The following EYS variants were observed in gnomAD, a reference collection of about 807,000 sequenced individuals.
The protein encoded by EYS is EGF-like photoreceptor maintenance factor.
A neutral mutation model predicts 282.1 loss-of-function variants in EYS; 250 were observed. The ratio of observed to expected loss-of-function variants is 0.89; its 90% CI spans 0.80 to 0.98. The LOEUF (loss-of-function observed/expected upper bound fraction) is 0.98. EYS is among the 50% of genes least tolerant of loss of function. EYS has a pLI of 0.00. For missense variants in EYS, 4,016 were observed against 3,709.0 expected (o/e 1.08, Z -2.15); for synonymous variants, 1,355 against 1,282.9 (o/e 1.06, Z -1.20).
At chr6:64,103,233 CCAG>C (rs1239896855) in intron 31 of EYS, among the ~76,000 whole-genome samples, 6 of 151,976 alleles carry the variant, frequency 3.9e-5, no homozygotes, top group African/African-American at 1.5e-4. Context: ...AAATAACTTA[CCAG>C]CAAAAGAAAA....
chr6:64,371,680 T>C (rs1772379877), intron 29 of EYS, among the ~76,000 whole-genome samples: 1 of 152,232 alleles, frequency 6.6e-6, no homozygotes, highest in African/African-American at 2.4e-5. Context: ...GCTTGATCTA[T>C]GAATCTGAAT....
chr6:65,336,025 C>T (rs1402009607), intron 10 of EYS, among the ~76,000 whole-genome samples: 3 of 151,692 alleles, frequency 2.0e-5, no homozygotes, highest in Admixed American at 6.6e-5. Context: ...CTCTCTCCTG[C>T]TGCCATGTGA....
At chr6:64,961,286 A>G (rs1769907026) in intron 14 of EYS, among the ~76,000 whole-genome samples, 1 of 152,156 alleles carries the variant, frequency 6.6e-6, no homozygotes, top group African/African-American at 2.4e-5. Flanking sequence ...AGCCCTTTAA[A>G]GACGTGTTTC....
intron 2 of EYS, among the ~76,000 whole-genome samples, chr6:65,594,268 T>TA (rs1467135269): frequency 6.6e-6 from 1 of 151,996 alleles, no homozygotes; most frequent in African/African-American, 2.4e-5. Flanking sequence ...TGAGAACACT[T>TA]ATTGCTGTAA....
intron 12 of EYS, among the ~76,000 whole-genome samples, chr6:65,214,511 G>T (rs1297844769): frequency 6.6e-6 from 1 of 152,188 alleles, no homozygotes; most frequent in East Asian, 1.9e-4. Flanking sequence ...GGATCTTAAG[G>T]TTTAAGGAAA....
At chr6:63,942,495 A>C (rs1202196621) in intron 35 of EYS, among the ~76,000 whole-genome samples, 1 of 152,148 alleles carries the variant, frequency 6.6e-6, no homozygotes, top group Non-Finnish European at 1.5e-5. Flanking sequence ...AACTTGGTGG[A>C]GATGTGTGCT....
intron 12 of EYS, among the ~76,000 whole-genome samples, chr6:65,097,707 G>T (rs958739677): frequency 1.3e-5 from 2 of 150,456 alleles, no homozygotes; most frequent in African/African-American, 4.9e-5. Context: ...CAACAACATG[G>T]ATAAACCTGA....
chr6:65,152,913 A>G (rs1200785605), intron 12 of EYS, among the ~76,000 whole-genome samples: 1 of 151,302 alleles, frequency 6.6e-6, no homozygotes, highest in African/African-American at 2.4e-5. Flanking sequence ...TAACAATATG[A>G]CTTCATATTG....
At chr6:63,770,875 T>C (rs1052579064) in intron 40 of EYS, among the ~76,000 whole-genome samples, 3 of 152,194 alleles carry the variant, frequency 2.0e-5, no homozygotes, top group African/African-American at 4.8e-5. Flanking sequence ...ACATGTTTAC[T>C]AGGACGGGTT....
At chr6:63,845,264 C>T (rs1772068233) in intron 36 of EYS, among the ~76,000 whole-genome samples, 1 of 152,200 alleles carries the variant, frequency 6.6e-6, no homozygotes, top group South Asian at 2.1e-4. Flanking sequence ...GTCAAAGTGA[C>T]TTGTTCAAGG....
At chr6:64,306,439 C>T (rs946028279) in intron 30 of EYS, among the ~76,000 whole-genome samples, 1 of 152,138 alleles carries the variant, frequency 6.6e-6, no homozygotes, top group Admixed American at 6.5e-5. Context: ...ATTTTAACCA[C>T]TTCTTACCAA....
intron 26 of EYS, among the ~76,000 whole-genome samples, chr6:64,467,154 C>T (rs143167354): frequency 0.016 from 2,495 of 152,198 alleles, 23 homozygotes; most frequent in South Asian, 0.035. Flanking sequence ...GGACAAAATG[C>T]TGATATTTAT....
At chr6:64,873,330 G>C (rs949607967) in intron 19 of EYS, among the ~76,000 whole-genome samples, 1 of 151,992 alleles carries the variant, frequency 6.6e-6, no homozygotes, top group Non-Finnish European at 1.5e-5. Flanking sequence ...CTTCTCACCG[G>C]GTCCCTCCCA....
At chr6:65,074,869 T>A (rs1241716098) in intron 12 of EYS, among the ~76,000 whole-genome samples, 1 of 152,008 alleles carries the variant, frequency 6.6e-6, no homozygotes. Flanking sequence ...GGGTGGGACC[T>A]CACTGCATGC....
chr6:65,002,735 G>T (rs1004143019), intron 13 of EYS, among the ~76,000 whole-genome samples: 7 of 147,724 alleles, frequency 4.7e-5, no homozygotes, highest in African/African-American at 1.7e-4. Flanking sequence ...CAAACAGAGG[G>T]ACCGGCTGAA....
chr6:64,434,911 A>G (rs915578370), intron 28 of EYS, among the ~76,000 whole-genome samples: 2 of 151,952 alleles, frequency 1.3e-5, no homozygotes, highest in African/African-American at 4.8e-5. Flanking sequence ...CATGATACCA[A>G]TCTGTCATTC....
intron 35 of EYS, among the ~76,000 whole-genome samples, chr6:63,928,560 G>A (rs568109691): frequency 8.8e-4 from 134 of 152,086 alleles, no homozygotes; most frequent in Middle Eastern, 3.4e-3. Context: ...GTGCGTGTGC[G>A]CATGCGTAGG....
intron 31 of EYS, among the ~76,000 whole-genome samples, chr6:64,167,848 C>T (rs1764343093): frequency 6.6e-6 from 1 of 152,022 alleles, no homozygotes; most frequent in African/African-American, 2.4e-5. Context: ...GACATTACAA[C>T]AAAGGAGATA....
At chr6:65,650,279 A>G (rs1441654472) in intron 1 of EYS, among the ~76,000 whole-genome samples, 2 of 152,154 alleles carry the variant, frequency 1.3e-5, no homozygotes, top group African/African-American at 4.8e-5. Flanking sequence ...GAACTCAAAC[A>G]CAGCTCTTCC....
Sources: allele counts gnomAD v4.1 joint callset (sites outside exome capture counted in the v4.1 genomes callset), GRCh38; gene constraint gnomAD v4.1.1; transcripts MANE v1.5; gene names NCBI Gene and HGNC (gene_info 2026-07-23, HGNC 2026-07-21).